KCNIP4: variants seen among roughly 807,000 people sequenced by gnomAD.
KCNIP4 encodes potassium voltage-gated channel interacting protein 4, also known as Kv channel-interacting protein 4.
In KCNIP4, 12 loss-of-function variants were observed where a neutral mutation model predicts 34.0. The observed-to-expected ratio is 0.35, with a 90% CI of 0.23 to 0.57. The LOEUF (loss-of-function observed/expected upper bound fraction) is 0.57, where lower values mean the gene tolerates loss of function less well. KCNIP4 is among the 20% of genes least tolerant of loss of function. The probability of loss-of-function intolerance (pLI) is 0.83; values close to 1 mark genes in which losing one functional copy is unlikely to be tolerated. For synonymous variants in KCNIP4, 124 were observed against 102.2 expected, an observed-to-expected ratio of 1.21 and a Z score of -1.29; for missense variants, 238 against 311.7, an observed-to-expected ratio of 0.76 and a Z score of 1.78.
intron 3 of KCNIP4, among the ~76,000 whole-genome samples, chr4:20,815,793 C>T (rs182711782): frequency 1.5e-3 from 228 of 152,242 alleles, no homozygotes; most frequent in African/African-American, 5.3e-3. Context: ...CTTTGAAAAA[C>T]GCAACAGTAT....
intron 1 of KCNIP4, among the ~76,000 whole-genome samples, chr4:21,804,011 G>T (rs1721153041): frequency 6.6e-6 from 1 of 152,192 alleles, no homozygotes; most frequent in South Asian, 2.1e-4. Flanking sequence ...TGAAGGAAAG[G>T]TCTCAGTAGA....
At chr4:21,867,864 C>T (rs952338965) in intron 1 of KCNIP4, among the ~76,000 whole-genome samples, 2 of 152,114 alleles carry the variant, frequency 1.3e-5, no homozygotes, top group Non-Finnish European at 2.9e-5. Context: ...AGCATTTGTA[C>T]CTTCTAATTT....
intron 1 of KCNIP4, among the ~76,000 whole-genome samples, chr4:20,894,246 A>G (rs1726260510): frequency 6.6e-6 from 1 of 152,206 alleles, no homozygotes; most frequent in African/African-American, 2.4e-5. Flanking sequence ...TGCCTTTAAT[A>G]TCGGAAAGCA....
chr4:21,556,696 A>C (rs1352302933), intron 1 of KCNIP4, among the ~76,000 whole-genome samples: 1 of 152,014 alleles, frequency 6.6e-6, no homozygotes, highest in Non-Finnish European at 1.5e-5. Context: ...TGAGGCAGGC[A>C]GATCACCTGA....
chr4:20,912,696 AAAC>A (rs1174523462), intron 1 of KCNIP4, among the ~76,000 whole-genome samples: 1 of 152,182 alleles, frequency 6.6e-6, no homozygotes, highest in Non-Finnish European at 1.5e-5. Flanking sequence ...ATAAAAAGAC[AAAC>A]AACCTAATTT....
intron 1 of KCNIP4, among the ~76,000 whole-genome samples, chr4:21,327,184 T>C (rs1311255999): frequency 6.6e-6 from 1 of 152,136 alleles, no homozygotes; most frequent in African/African-American, 2.4e-5. Context: ...CTCATTAACA[T>C]ACTTTTCTTT....
At chr4:21,074,611 GA>G (rs541283827) in intron 1 of KCNIP4, among the ~76,000 whole-genome samples, 2 of 152,164 alleles carry the variant, frequency 1.3e-5, no homozygotes, top group South Asian at 2.1e-4. Flanking sequence ...TTGATTTTTT[GA>G]AGGGTTTTTT....
intron 1 of KCNIP4, among the ~76,000 whole-genome samples, chr4:21,487,239 GT>G (rs1363720056): frequency 6.6e-6 from 1 of 151,774 alleles, no homozygotes; most frequent in East Asian, 1.9e-4. Context: ...GACTTTTTTT[GT>G]TTTTTGAGAC....
chr4:21,917,935 T>A (rs1453272392), intron 1 of KCNIP4, among the ~76,000 whole-genome samples: 1 of 152,154 alleles, frequency 6.6e-6, no homozygotes, highest in Non-Finnish European at 1.5e-5. Context: ...CAGTAGACAC[T>A]CCACCTTGCA....
At chr4:21,065,126 C>T (rs1744236464) in intron 1 of KCNIP4, among the ~76,000 whole-genome samples, 1 of 152,304 alleles carries the variant, frequency 6.6e-6, no homozygotes, top group South Asian at 2.1e-4. Flanking sequence ...CACGTAGTCA[C>T]ACCTTTCTTC....
chr4:20,938,495 G>C lies in KCNIP4; in HGVS notation c.62-55786C>G, dbSNP rs144547564. Reference sequence around the variant, plus strand: ...GATCAGCTGAAGCATCAAAATGATCGGGCTTTAAGTCAGAATATTTAAGAG... The same window carrying C: ...GATCAGCTGAAGCATCAAAATGATCCGGCTTTAAGTCAGAATATTTAAGAG... On this transcript the variant is annotated intron_variant, in intron 1 of 8. Coordinates refer to ENST00000382152, the MANE Select transcript of KCNIP4 (RefSeq NM_025221.6). Among the ~76,000 whole-genome samples the C allele has an allele frequency of 3.4e-3, 512 of 152,168 alleles. 6 individuals are homozygous for C. Among genetic ancestry groups the C allele is most frequent in the African/African-American group, 0.012 (491 of 41,506 alleles).
intron 1 of KCNIP4, among the ~76,000 whole-genome samples, chr4:21,869,890 A>C: frequency 6.6e-6 from 1 of 152,160 alleles, no homozygotes; most frequent in Non-Finnish European, 1.5e-5. Context: ...GGCTTAGGCA[A>C]TGAGGTGTCT....
intron 1 of KCNIP4, among the ~76,000 whole-genome samples, chr4:21,231,139 G>A (rs1295803881): frequency 6.6e-6 from 1 of 152,084 alleles, no homozygotes; most frequent in Non-Finnish European, 1.5e-5. Flanking sequence ...TCATAGAAAT[G>A]TCTTCTCCTT....
rs536947465 is a variant in KCNIP4, at chr4:20,842,911, AT to A, written c.288+7631del. 7.3e-3 allele frequency among the ~76,000 whole-genome samples: 1,043 copies of A among 143,352 alleles called. 11 individuals are homozygous for A. The highest frequency in any genetic ancestry group is 0.02 in the African/African-American group (775 of 38,930). 94.0% of individuals were successfully genotyped at this position (143,352 alleles called of 152,430 possible). A position where few individuals can be genotyped will look rare whatever the true frequency, so the allele number is the denominator to read the frequency against. Reference sequence around the variant, plus strand: ...AGCCCAGAAAGACAACTGGATTTACATTTTTTTTTTTTTTTTGAGACACGAT... The same window carrying A: ...AGCCCAGAAAGACAACTGGATTTACATTTTTTTTTTTTTTTGAGACACGAT... On this transcript the variant is annotated intron_variant, in intron 3 of 8. Coordinates refer to ENST00000382152, the MANE Select transcript of KCNIP4 (RefSeq NM_025221.6).
intron 1 of KCNIP4, among the ~76,000 whole-genome samples, chr4:21,602,765 A>G (rs1465952668): frequency 3.9e-5 from 6 of 152,088 alleles, no homozygotes; most frequent in African/African-American, 1.4e-4. Flanking sequence ...ACCTAAATTG[A>G]TAGGTTCAGA....
chr4:21,389,813 A>T (rs1460445156), intron 1 of KCNIP4, among the ~76,000 whole-genome samples: 1 of 152,128 alleles, frequency 6.6e-6, no homozygotes, highest in Non-Finnish European at 1.5e-5. Context: ...TTGGGCATAT[A>T]CCCAGTAATA....
intron 1 of KCNIP4, among the ~76,000 whole-genome samples, chr4:21,127,396 G>A (rs969195055): frequency 3.3e-5 from 5 of 152,210 alleles, no homozygotes; most frequent in African/African-American, 7.2e-5. Context: ...ACACAGAAAC[G>A]AAATCTTATT....
At chr4:20,741,865 C>CA (rs1277581319) in intron 5 of KCNIP4, among the ~76,000 whole-genome samples, 2 of 152,054 alleles carry the variant, frequency 1.3e-5, no homozygotes. Flanking sequence ...CAAATAGATG[C>CA]AATAAAAAAT....
intron 1 of KCNIP4, among the ~76,000 whole-genome samples, chr4:21,041,262 A>ACACACACG (rs754394666): frequency 6.6e-6 from 1 of 151,328 alleles, no homozygotes; most frequent in Non-Finnish European, 1.5e-5. Context: ...ACACACACAC[A>ACACACACG]CACGCACATG....
Sources: gnomAD v4.1 joint callset for allele counts (sites outside exome capture counted in the v4.1 genomes callset) on GRCh38, gnomAD v4.1.1 for gene constraint, MANE v1.5 for transcripts, NCBI Gene and HGNC (gene_info 2026-07-23, HGNC 2026-07-21) for gene names.